ACADVL: variants seen among roughly 807,000 people sequenced by gnomAD.
The protein encoded by ACADVL is acyl-CoA dehydrogenase very long chain.
In ACADVL, 73 loss-of-function variants were observed where a neutral mutation model predicts 80.4. That is an observed-to-expected ratio of 0.91 (90% confidence interval 0.75 to 1.10). The LOEUF (loss-of-function observed/expected upper bound fraction) is 1.10, where lower values mean the gene tolerates loss of function less well. ACADVL is among the 50% of genes least tolerant of loss of function. The probability of loss-of-function intolerance (pLI) is 0.00; values close to 1 mark genes in which losing one functional copy is unlikely to be tolerated. For synonymous variants in ACADVL, 392 were observed against 326.5 expected (o/e 1.20, Z -2.16); for missense variants, 878 against 858.9 (o/e 1.02, Z -0.28).
Position 7,224,995 on chromosome 17 carries a change from G to A in ACADVL, c.1866G>A (p.Gln622=), listed in dbSNP as rs373898227. The A allele has an allele frequency of 1.2e-5, 19 of 1,614,118 alleles. No homozygotes were observed. The East Asian group carries it at 2.2e-4, about 19-fold the overall frequency. The change falls in exon 20 of 20, where the codon CAG becomes CAA. Residue 622 remains glutamine, a synonymous_variant. Transcript: ENST00000356839. ...TCCGAGAGGGCATGGCCGCCCTGCAGTCTGACCCCTGGCAGCAAGAGCTCT... is the reference window on the plus strand; with the variant it reads ...TCCGAGAGGGCATGGCCGCCCTGCAATCTGACCCCTGGCAGCAAGAGCTCT... The part of the protein sequence containing the change: ...ARIREGMAAL[Q]SDPWQQELYR...
chr17:7,222,563 G>C (rs2071281701), intron 9 of ACADVL, 104 bp from the exon 10 acceptor site: 2 of 1,294,162 alleles, frequency 1.5e-6, no homozygotes, highest in Admixed American at 3.9e-5. Flanking sequence ...TAATAGTCTA[G>C]TGGTCGTCAT....
At chr17:7,218,462 T>C (rs999739624), upstream of ACADVL, 2 of 1,454,792 alleles carry the variant, frequency 1.4e-6, no homozygotes, top group East Asian at 2.5e-5. Context: ...GACCAAATGA[T>C]CTCTGGGCTC....
intron 1 of ACADVL, 36 bp downstream of exon 1, chr17:7,220,082 C>T (rs1224640959): frequency 6.3e-7 from 1 of 1,596,864 alleles, no homozygotes; most frequent in South Asian, 1.1e-5. Context: ...GGGCAGCGGC[C>T]CTGGGCACCG....
chr17:7,221,168 C>A, intron 6 of ACADVL, 110 bp downstream of exon 6: 1 of 1,546,244 alleles, frequency 6.5e-7, no homozygotes. Flanking sequence ...TAAGCACCTG[C>A]CCTGGGTGCC....
rs1489650561 is a variant in ACADVL at position 7,221,305 on chromosome 17, G to T, written c.478-233G>T. Reference sequence around the variant, plus strand: ...CTAAGTTGGGGATTGCCTAACAATAGACTGACTAGTAGCAAGTCACCCTCC... The same window carrying T: ...CTAAGTTGGGGATTGCCTAACAATATACTGACTAGTAGCAAGTCACCCTCC... On this transcript the variant is annotated intron_variant, in intron 6 of 19. Transcript: ENST00000356839. The T allele has an allele frequency of 5.4e-6, 5 of 918,902 alleles. No homozygotes were observed. In the East Asian group the frequency reaches 1.3e-4, roughly 24 times the overall value. The allele number at this position is 918,902 out of a possible 1,614,324, so 56.9% of individuals were successfully genotyped here. A position where few individuals can be genotyped will look rare whatever the true frequency, so the allele number is the denominator to read the frequency against.
Position 7,222,853 on chromosome 17 carries a change from C to T in ACADVL, c.1065C>T (p.Ile355=). 1 of 1,612,204 alleles carries T rather than the reference C, an allele frequency of 6.2e-7. No homozygotes were observed. Among genetic ancestry groups the T allele is most frequent in the Non-Finnish European group, 8.5e-7 (1 of 1,180,002 alleles). The change falls in exon 10 of 20, where the codon ATC becomes ATT. Residue 355 remains isoleucine (I), a synonymous_variant. Coordinates refer to ENST00000356839, the MANE Select transcript of ACADVL (RefSeq NM_000018.4). ...AAALAGTMRG[I]IAKAVDHATN... is the part of the protein sequence containing the mutation. ...CCCTGGCAGGTACCATGAGAGGCAT[C>T]ATTGCTAAGGCGGTGAGTACCCTGC...
Position 7,221,633 on chromosome 17 carries a change from C to G in ACADVL, c.573C>G (p.Leu191=). Residue 191 remains leucine, a synonymous_variant, in exon 7 of 20, where the codon CTC becomes CTG. Transcript: ENST00000356839. ...HQSIGFKGIL[L]FGTKAQKEKY... The stretch of plus-strand genomic sequence containing the variant: ...GCATCGGTTTCAAAGGCATCCTGCT[C>G]TTTGGCACAAAGGCCCAGAAAGAAA... 1 of 1,614,048 alleles carries G rather than the reference C, an allele frequency of 6.2e-7. No individual in the cohort carries two copies. The highest frequency in any genetic ancestry group is 8.5e-7 in the Non-Finnish European group (1 of 1,180,042).
chr17:7,224,919 TG>T, intron 19 of ACADVL, 35 bp downstream of exon 19: 1 of 1,614,080 alleles, frequency 6.2e-7, no homozygotes. Context: ...AGGTGAGGGC[TG>T]GAGGTGCAGG....
At chr17:7,219,595 A>G (rs1210320244), upstream of ACADVL, 4 of 1,158,540 alleles carry the variant, frequency 3.5e-6, no homozygotes, top group African/African-American at 1.6e-5. Context: ...TCTACCTTAC[A>G]CTTCTCTTTC....
rs2071166695 is a variant in ACADVL at position 7,220,756 on chromosome 17, C to T, written c.278-10C>T. On this transcript the variant is annotated splice_polypyrimidine_tract_variant and intron_variant, in intron 4 of 19. Coordinates refer to ENST00000356839, the MANE Select transcript of ACADVL (RefSeq NM_000018.4). ...CCTGGCCTGACCAGCCTGTCCCCCA[C>T]CCTCTGCAGTGCTCAACGAAGAGCA... 2.5e-6 allele frequency: 4 copies of T among 1,614,174 alleles called. No homozygotes were observed. In the East Asian group the frequency reaches 6.7e-5, roughly 27 times the overall value.
chr17:7,222,579 C>T (rs867021449), intron 9 of ACADVL, 88 bp from the exon 10 acceptor site: 1 of 1,379,536 alleles, frequency 7.2e-7, no homozygotes, highest in Non-Finnish European at 1.0e-6. Flanking sequence ...GTCATTCCTC[C>T]CTGGTGCATA....
chr17:7,223,723 T>C lies in ACADVL; in HGVS notation c.1262T>C (p.Phe421Ser). The change falls in exon 12 of 20, where the codon TTT becomes TCT. Residue 421 changes from phenylalanine to serine, a missense_variant. Phe to Ser is a radical substitution (Grantham distance 155, BLOSUM62 -2). Transcript: ENST00000356839. ...ATAGAGGCCGCCATCAGCAAAATCT[T>C]TGGCTCGGTGAGGTCCCAGGCATGC... ...FQIEAAISKIFGSEAAWKVTD... is the reference protein window; with the variant it reads ...FQIEAAISKISGSEAAWKVTD... 2 of 1,614,110 alleles carry C rather than the reference T, an allele frequency of 1.2e-6. No homozygotes were observed. Among genetic ancestry groups the C allele is most frequent in the South Asian group, 1.1e-5 (1 of 91,072 alleles).
upstream of ACADVL, chr17:7,217,241 G>A (rs532873127): frequency 1.6e-5 from 20 of 1,220,288 alleles, no homozygotes; most frequent in East Asian, 7.0e-5. Context: ...TCCCCCCTCC[G>A]CACCCCACTT....
rs1361894975 is a variant in ACADVL at position 7,222,621 on chromosome 17, CA to C, written c.879-44del. The stretch of plus-strand genomic sequence containing the variant: ...GAAGGAGCAGTTTTTCCCCCAGTGA[CA>C]ACCTGTTGAACACACCTCTGCTTTC... On this transcript the variant is annotated intron_variant, in intron 9 of 19. Transcript: ENST00000356839. 4 of 1,554,190 alleles carry C rather than the reference CA, an allele frequency of 2.6e-6. No individual in the cohort carries two copies. In the African/African-American group the frequency reaches 5.4e-5, roughly 21 times the overall value.
At chr17:7,221,156 T>G in intron 6 of ACADVL, 98 bp downstream of exon 6, 1 of 1,583,908 alleles carries the variant, frequency 6.3e-7, no homozygotes, top group South Asian at 1.1e-5. Flanking sequence ...TAAGGTCTCT[T>G]CTAAGCACCT....
intron 11 of ACADVL, 138 bp downstream of exon 11, chr17:7,223,375 GTCAGC>G (rs1567566639): frequency 1.1e-6 from 1 of 902,690 alleles, no homozygotes; most frequent in Non-Finnish European, 1.8e-6. Context: ...GGGAGGCATA[GTCAGC>G]TCAGCTTCTG....
rs2071283091 is a variant in ACADVL at position 7,222,587 on chromosome 17, ATAAGGAGC to A, written c.879-79_879-72del. 9.2e-6 allele frequency: 13 copies of A among 1,408,664 alleles called. 1 individual carries two copies. The South Asian group carries it at 1.5e-4, about 16-fold the overall frequency. 87.3% of individuals were successfully genotyped at this position (1,408,664 alleles called of 1,614,324 possible). A position where few individuals can be genotyped will look rare whatever the true frequency, so the allele number is the denominator to read the frequency against. On this transcript the variant is annotated intron_variant, in intron 9 of 19. Transcript: ENST00000356839. ...AGTGGTCGTCATTCCTCCCTGGTGC[ATAAGGAGC>A]GAAGGAGCAGTTTTTCCCCCAGTGA...
At chr17:7,219,921 T>TCGGCGTGCAGGACGC (rs1555527389), upstream of ACADVL, 1 of 1,555,336 alleles carries the variant, frequency 6.4e-7, no homozygotes, top group Non-Finnish European at 8.7e-7. Flanking sequence ...CGCCAGGACG[T>TCGGCGTGCAGGACGC]GGGCGTGCAG....
Position 7,222,950 on chromosome 17 carries a change from A to G in ACADVL, c.1077+85A>G. The G allele has an allele frequency of 2.0e-6, 3 of 1,523,232 alleles. No individual in the cohort carries two copies. In the African/African-American group the frequency reaches 4.1e-5, roughly 21 times the overall value. The allele number at this position is 1,523,232 out of a possible 1,614,324, so 94.4% of individuals were successfully genotyped here. On this transcript the variant is annotated intron_variant, in intron 10 of 19. Coordinates refer to ENST00000356839, the MANE Select transcript of ACADVL (RefSeq NM_000018.4). ...CATGTGTCCCTGATCACTTGCAGGC[A>G]CTCCCTACACTAGAAACTCCTCCCC...
Sources: gnomAD v4.1 joint callset for allele counts on GRCh38, gnomAD v4.1.1 for gene constraint, MANE v1.5 for transcripts, NCBI Gene and HGNC (gene_info 2026-07-23, HGNC 2026-07-21) for gene names.